PAPPA2: variants seen among roughly 807,000 people sequenced by gnomAD.
PAPPA2 encodes pappalysin 2.
In PAPPA2, 86 loss-of-function variants were observed where a neutral mutation model predicts 176.4. That is an observed-to-expected ratio of 0.49 (90% CI 0.41 to 0.58). PAPPA2 has a LOEUF of 0.58. Ranked by LOEUF, PAPPA2 falls within the 20% of genes least tolerant of loss-of-function variation. The pLI, the probability that PAPPA2 is intolerant of heterozygous loss-of-function variation, is 0.00. For synonymous variants in PAPPA2, 809 were observed against 852.2 expected, an observed-to-expected ratio of 0.95 and a Z score of 0.88; for missense variants, 2,073 against 2,256.9, an observed-to-expected ratio of 0.92 and a Z score of 1.65.
Position 176,842,470 on chromosome 1 carries a change from C to T in PAPPA2, c.*16C>T, listed in dbSNP as rs775287912. 1.1e-4 allele frequency: 176 copies of T among 1,607,848 alleles called. No homozygotes were observed. Among genetic ancestry groups the T allele is most frequent in the Admixed American group, 2.0e-4 (12 of 59,852 alleles). On this transcript the variant is annotated 3_prime_UTR_variant, in exon 23 of 23. Transcript: ENST00000367662. ...AAATCAGTAACTGTGGGAACAAGCC[C>T]CTCCCTCCACTGCCTCAGAGGCAGT...
At chr1:176,610,801 C>A (rs1654875387) in intron 3 of PAPPA2, among the ~76,000 whole-genome samples, 1 of 152,100 alleles carries the variant, frequency 6.6e-6, no homozygotes. Context: ...TCACAATGGC[C>A]TTTTTTGCAT....
At chr1:176,829,624 G>A (rs1394203713) in intron 21 of PAPPA2, among the ~76,000 whole-genome samples, 1 of 152,182 alleles carries the variant, frequency 6.6e-6, no homozygotes, top group Non-Finnish European at 1.5e-5. Flanking sequence ...AGTCTGTCCC[G>A]GGCCTTCTTG....
intron 12 of PAPPA2, among the ~76,000 whole-genome samples, chr1:176,725,575 A>G (rs1661827451): frequency 6.6e-6 from 1 of 152,208 alleles, no homozygotes. Flanking sequence ...CTACAGATAC[A>G]GTAAAGTGAA....
At chr1:176,538,336 C>A (rs1650182945) in intron 1 of PAPPA2, among the ~76,000 whole-genome samples, 1 of 152,196 alleles carries the variant, frequency 6.6e-6, no homozygotes, top group South Asian at 2.1e-4. Context: ...ATCTTCACAA[C>A]CACCAGTGTG....
At position 176,551,231 on chromosome 1, in the gene PAPPA2, G is replaced by T. The variant is rs542205050; in HGVS notation, c.-916-4176G>T. Among the ~76,000 whole-genome samples the T allele has an allele frequency of 5.3e-5, 8 of 152,312 alleles. 1 individual carries two copies. In the East Asian group the frequency reaches 1.5e-3, roughly 29 times the overall value. ...GAGCCTTGGAGTGAAATCTTTCAGA[G>T]AAGCTCCCTGTTTCCAGCACTAGCT... On this transcript the variant is annotated intron_variant, in intron 1 of 22. Transcript: ENST00000367662.
At chr1:176,693,764 C>T (rs1027710035) in intron 6 of PAPPA2, among the ~76,000 whole-genome samples, 12 of 152,162 alleles carry the variant, frequency 7.9e-5, no homozygotes, top group African/African-American at 2.9e-4. Flanking sequence ...GTTTGTGAGT[C>T]AGCACACATC....
chr1:176,666,554 AAT>A (rs1227611501), intron 3 of PAPPA2, among the ~76,000 whole-genome samples: 172 of 133,524 alleles, frequency 1.3e-3, no homozygotes, highest in Middle Eastern at 0.011. Context: ...TAAGGAAGTA[AAT>A]ATATATGTGT....
At chr1:176,808,095 C>T (rs1338742523) in intron 21 of PAPPA2, among the ~76,000 whole-genome samples, 1 of 152,050 alleles carries the variant, frequency 6.6e-6, no homozygotes, top group African/African-American at 2.4e-5. Context: ...TCTCTGGTCA[C>T]ACCTTGTCTT....
intron 1 of PAPPA2, among the ~76,000 whole-genome samples, chr1:176,521,147 G>A (rs557046345): frequency 1.3e-5 from 2 of 152,048 alleles, no homozygotes; most frequent in African/African-American, 4.8e-5. Flanking sequence ...GGGCGGTGTA[G>A]TGGATTAAAG....
intron 3 of PAPPA2, among the ~76,000 whole-genome samples, chr1:176,665,611 C>A (rs543224752): frequency 6.6e-6 from 1 of 152,280 alleles, no homozygotes; most frequent in African/African-American, 2.4e-5. Context: ...AGTTTAGTTT[C>A]TTCCTAAAAA....
intron 2 of PAPPA2, among the ~76,000 whole-genome samples, chr1:176,560,614 G>A (rs1651608436): frequency 6.6e-6 from 1 of 152,202 alleles, no homozygotes. Flanking sequence ...ACTGAGGTCA[G>A]GAGCCCATTT....
chr1:176,840,356 T>G (rs1017122412), intron 22 of PAPPA2, 85 bp downstream of exon 22: 17 of 1,052,558 alleles, frequency 1.6e-5, no homozygotes, highest in Non-Finnish European at 1.9e-5. Flanking sequence ...TCATGGTGTG[T>G]AATAATGGGT....
At chr1:176,666,834 A>T (rs991332136) in intron 3 of PAPPA2, among the ~76,000 whole-genome samples, 2 of 152,186 alleles carry the variant, frequency 1.3e-5, no homozygotes, top group African/African-American at 4.8e-5. Context: ...AGTGGAACTG[A>T]AAATCTTAAT....
chr1:176,817,375 T>C (rs1204824920), intron 21 of PAPPA2, among the ~76,000 whole-genome samples: 1 of 151,380 alleles, frequency 6.6e-6, no homozygotes, highest in Non-Finnish European at 1.5e-5. Context: ...TTAGGAAGAG[T>C]GTTGAATGCT....
chr1:176,484,757 A>G (rs1652572872), intron 1 of PAPPA2, among the ~76,000 whole-genome samples: 1 of 152,122 alleles, frequency 6.6e-6, no homozygotes, highest in South Asian at 2.1e-4. Context: ...CTTGCATGTC[A>G]TCTGTTTTAT....
intron 8 of PAPPA2, among the ~76,000 whole-genome samples, chr1:176,699,944 C>T (rs1010230173): frequency 1.3e-5 from 2 of 152,264 alleles, no homozygotes; most frequent in East Asian, 3.9e-4. Context: ...GATCATCTGC[C>T]ACAGACCCCA....
At chr1:176,820,631 T>G (rs981851804) in intron 21 of PAPPA2, among the ~76,000 whole-genome samples, 1 of 152,160 alleles carries the variant, frequency 6.6e-6, no homozygotes, top group Non-Finnish European at 1.5e-5. Context: ...GCTAAACTCC[T>G]GGCAACAGCG....
chr1:176,498,259 C>T (rs71645290), intron 1 of PAPPA2, among the ~76,000 whole-genome samples: 6,418 of 152,156 alleles, frequency 0.042, 201 homozygotes, highest in Middle Eastern at 0.075. Flanking sequence ...GCATAGCACT[C>T]TCCTCTTCTC....
chr1:176,795,840 C>T (rs2102943861), intron 20 of PAPPA2, among the ~76,000 whole-genome samples: 1 of 152,292 alleles, frequency 6.6e-6, no homozygotes. Flanking sequence ...TATATGAAAT[C>T]TCTCCCAAAT....
Sources: gnomAD v4.1 joint callset for allele counts (sites outside exome capture counted in the v4.1 genomes callset) on GRCh38, gnomAD v4.1.1 for gene constraint, MANE v1.5 for transcripts, NCBI Gene and HGNC (gene_info 2026-07-23, HGNC 2026-07-21) for gene names.